ALDH18A1: variants seen among roughly 807,000 people sequenced by gnomAD.
ALDH18A1 encodes the protein aldehyde dehydrogenase 18 family member A1.
A neutral mutation model predicts 88.8 loss-of-function variants in ALDH18A1; 44 were observed. The observed-to-expected ratio is 0.50, with a 90% CI of 0.39 to 0.64. The LOEUF is 0.64. Among genes scored for constraint, ALDH18A1 ranks in the 30% least tolerant of loss-of-function variants. The probability of loss-of-function intolerance (pLI) is 0.00; values close to 1 mark genes in which losing one functional copy is unlikely to be tolerated. For missense variants in ALDH18A1, 782 were observed against 1,009.5 expected (o/e 0.77, Z 3.05); for synonymous variants, 331 against 372.1 (o/e 0.89, Z 1.27).
rs1050365572 is a variant in ALDH18A1, at chr10:95,656,711, T to C, written c.-143A>G. ...TTTCTTCCGTCCACGTCCCGCACGA[T>C]GACGTTACGTCAGTGGCGTAAGAGT... On this transcript the variant is annotated 5_prime_UTR_variant, in exon 1 of 18. Coordinates refer to ENST00000371224, the MANE Select transcript of ALDH18A1 (RefSeq NM_002860.4). The C allele has an allele frequency of 1.0e-4, 16 of 152,456 alleles. No homozygotes were observed. Among genetic ancestry groups the C allele is most frequent in the African/African-American group, 3.6e-4 (15 of 41,478 alleles). 9.4% of individuals were successfully genotyped at this position (152,456 alleles called of 1,614,324 possible).
At chr10:95,615,040 T>C (rs955051634) in intron 13 of ALDH18A1, among the ~76,000 whole-genome samples, 14 of 152,098 alleles carry the variant, frequency 9.2e-5, no homozygotes, top group Admixed American at 3.3e-4. Flanking sequence ...ATTTCAAGAA[T>C]AGGCAAAAGG....
intron 3 of ALDH18A1, among the ~76,000 whole-genome samples, chr10:95,641,299 C>T (rs945045086): frequency 6.6e-6 from 1 of 152,248 alleles, no homozygotes; most frequent in Admixed American, 6.5e-5. Context: ...ATATTTACTG[C>T]CCTGAACAGT....
chr10:95,650,025 G>C (rs1445047690), intron 2 of ALDH18A1, among the ~76,000 whole-genome samples: 1 of 151,934 alleles, frequency 6.6e-6, no homozygotes, highest in Admixed American at 6.6e-5. Flanking sequence ...GTGCCACTAT[G>C]CTCTAGCCCT....
At chr10:95,633,734 G>A in intron 5 of ALDH18A1, 85 bp from the exon 6 acceptor site, 1 of 1,404,292 alleles carries the variant, frequency 7.1e-7, no homozygotes, top group Non-Finnish European at 9.7e-7. Context: ...GAGCAGGGGA[G>A]TTAAACTTTA....
chr10:95,651,062 G>A (rs1042221921), intron 2 of ALDH18A1, among the ~76,000 whole-genome samples: 1 of 152,136 alleles, frequency 6.6e-6, no homozygotes, highest in Non-Finnish European at 1.5e-5. Flanking sequence ...GAACCCGGGA[G>A]GCAGAGGTTG....
intron 15 of ALDH18A1, among the ~76,000 whole-genome samples, 159 bp downstream of exon 15, chr10:95,613,583 T>C (rs2097839451): frequency 6.6e-6 from 1 of 152,192 alleles, no homozygotes; most frequent in African/African-American, 2.4e-5. Flanking sequence ...AGGGCAGGGG[T>C]TGTGTTTTAC....
chr10:95,621,083 G>A lies in ALDH18A1; in HGVS notation c.1415C>T (p.Pro472Leu). 3.7e-6 allele frequency: 6 copies of A among 1,614,122 alleles called. No individual in the cohort carries two copies. The highest frequency in any genetic ancestry group is 5.1e-6 in the Non-Finnish European group (6 of 1,180,018). The change falls in exon 12 of 18, where the codon CCA (proline) becomes CTA (leucine). Residue 472 changes from proline (P) to leucine (L), a missense_variant. Pro to Leu is a moderately conservative substitution (Grantham distance 98). This residue lies in a region of ALDH18A1 where 556 missense variants were observed against 654.5 expected (regional missense o/e 0.85). Coordinates refer to ENST00000371224, the MANE Select transcript of ALDH18A1 (RefSeq NM_002860.4). ...KNLELEQVTV[P>L]IGVLLVIFES... ...AAAGATCACCAGCAGAACTCCAATT[G>A]GGACAGTCACTTGTTCCAGTTCCAA...
Position 95,606,113 on chromosome 10 carries a change from T to C in ALDH18A1, c.*649A>G, listed in dbSNP as rs547730551. On this transcript the variant is annotated 3_prime_UTR_variant, in exon 18 of 18. Transcript: ENST00000371224. ...AGCTCAGTGGGGAACATCCTGAAAC[T>C]TGCATCTCCTGCTGCAGCTTGGGTT... 162 of 353,050 alleles carry C rather than the reference T, an allele frequency of 4.6e-4. No homozygotes were observed. Among genetic ancestry groups the C allele is most frequent in the African/African-American group, 3.4e-3 (155 of 45,120 alleles). 21.9% of individuals were successfully genotyped at this position (353,050 alleles called of 1,614,324 possible). A position where few individuals can be genotyped will look rare whatever the true frequency, so the allele number is the denominator to read the frequency against.
intron 2 of ALDH18A1, among the ~76,000 whole-genome samples, chr10:95,648,207 C>T (rs1386818614): frequency 6.6e-6 from 1 of 152,066 alleles, no homozygotes; most frequent in Non-Finnish European, 1.5e-5. Flanking sequence ...TGGAGGATAC[C>T]CAACTGATGT....
intron 3 of ALDH18A1, among the ~76,000 whole-genome samples, chr10:95,637,967 A>AAACAACAAC (rs140422812): frequency 3.6e-4 from 54 of 150,310 alleles, no homozygotes; most frequent in African/African-American, 4.2e-4. Context: ...GCTGTCTCAA[A>AAACAACAAC]AACAACAACA....
rs1402492138 is a variant in ALDH18A1 at position 95,610,181 on chromosome 10, C to A, written c.2206+16G>T. 2 of 1,613,164 alleles carry A rather than the reference C, an allele frequency of 1.2e-6. No individual in the cohort carries two copies. The highest frequency in any genetic ancestry group is 1.7e-6 in the Non-Finnish European group (2 of 1,179,310). On this transcript the variant is annotated intron_variant, in intron 17 of 17. Transcript: ENST00000371224. ...TCACAAGGAACTTCTTTCTTCCCAA[C>A]CAGAGTCTTTCTTACCCAGTCCAAA...
At position 95,606,537 on chromosome 10, in the gene ALDH18A1, G is replaced by A. The variant is rs2097822996; in HGVS notation, c.*225C>T. Reference sequence around the variant, plus strand: ...AATTGGACTTGGCAAAGTCCCTATCGGTAGCAACTATTTTCTTACTTTAAA... The same window carrying A: ...AATTGGACTTGGCAAAGTCCCTATCAGTAGCAACTATTTTCTTACTTTAAA... On this transcript the variant is annotated 3_prime_UTR_variant, in exon 18 of 18. Transcript: ENST00000371224. 6 of 1,402,168 alleles carry A rather than the reference G, an allele frequency of 4.3e-6. No individual in the cohort carries two copies. Among genetic ancestry groups the A allele is most frequent in the South Asian group, 1.5e-5 (1 of 66,892 alleles). 86.9% of individuals were successfully genotyped at this position (1,402,168 alleles called of 1,614,324 possible).
chr10:95,647,984 A>G lies in ALDH18A1; in HGVS notation c.89-4778T>C, dbSNP rs550971832. Among the ~76,000 whole-genome samples, 17 of 152,352 alleles carry G rather than the reference A, an allele frequency of 1.1e-4. No homozygotes were observed. In the South Asian group the frequency reaches 3.1e-3, roughly 28 times the overall value. ...TCTTCATCTGTTTCCTTTGTAATAA[A>G]TTGGTAAATCTAAGTGTTTCCCTGA... On this transcript the variant is annotated intron_variant, in intron 2 of 17. Transcript: ENST00000371224.
chr10:95,632,182 T>C (rs2097871378), intron 7 of ALDH18A1, among the ~76,000 whole-genome samples: 2 of 152,162 alleles, frequency 1.3e-5, no homozygotes, highest in Admixed American at 6.5e-5. Flanking sequence ...GGTTAATCCA[T>C]AGAAACAGAA....
intron 17 of ALDH18A1, among the ~76,000 whole-genome samples, chr10:95,609,201 A>C (rs1311567020): frequency 6.6e-6 from 1 of 152,190 alleles, no homozygotes; most frequent in Admixed American, 6.5e-5. Context: ...GGTACCCCTG[A>C]AAACGAGAGA....
At chr10:95,629,597 TA>T (rs1357795188) in intron 7 of ALDH18A1, among the ~76,000 whole-genome samples, 2 of 152,306 alleles carry the variant, frequency 1.3e-5, no homozygotes, top group Non-Finnish European at 2.9e-5. Flanking sequence ...GATACAGTGC[TA>T]TGAGATCACA....
At chr10:95,633,948 C>G in intron 5 of ALDH18A1, among the ~76,000 whole-genome samples, 1 of 151,194 alleles carries the variant, frequency 6.6e-6, no homozygotes, top group East Asian at 2.0e-4. Flanking sequence ...TTCCAAGTAG[C>G]TAGGATTACA....
At chr10:95,629,258 T>C (rs953036401) in intron 7 of ALDH18A1, among the ~76,000 whole-genome samples, 2 of 152,128 alleles carry the variant, frequency 1.3e-5, no homozygotes, top group African/African-American at 2.4e-5. Context: ...AGACCTAAAG[T>C]GGACACAGAT....
At chr10:95,608,332 T>C (rs1318713302) in intron 17 of ALDH18A1, among the ~76,000 whole-genome samples, 1 of 152,216 alleles carries the variant, frequency 6.6e-6, no homozygotes, top group East Asian at 1.9e-4. Context: ...GATGTGATAA[T>C]TACATCAAAA....
Sources: allele counts gnomAD v4.1 joint callset (sites outside exome capture counted in the v4.1 genomes callset), GRCh38; gene constraint gnomAD v4.1.1; regional missense constraint gnomAD v4.1.1; transcripts MANE v1.5; gene names NCBI Gene and HGNC (gene_info 2026-07-23, HGNC 2026-07-21).